Variants in ALK observed in about 807,000 individuals in gnomAD.
ALK encodes ALK tyrosine kinase receptor.
Under a neutral mutation model 163.1 loss-of-function variants are expected in ALK, and 74 were observed. That is an observed-to-expected ratio of 0.45 (90% confidence interval 0.38 to 0.55). The LOEUF (loss-of-function observed/expected upper bound fraction) is 0.55, where lower values mean the gene tolerates loss of function less well. Among genes scored for constraint, ALK ranks in the 20% least tolerant of loss-of-function variants. ALK has a pLI of 0.00. For missense variants in ALK, 2,063 were observed against 2,105.3 expected (o/e 0.98, Z 0.39); for synonymous variants, 960 against 843.2 (o/e 1.14, Z -2.40).
chr2:29,796,177 G>A (rs1184920553), intron 1 of ALK, among the ~76,000 whole-genome samples: 1 of 152,124 alleles, frequency 6.6e-6, no homozygotes, highest in Non-Finnish European at 1.5e-5. Context: ...CTCTGCTAGG[G>A]AAGAGCTCCT....
chr2:29,251,819 G>T (rs1664822741), intron 11 of ALK, among the ~76,000 whole-genome samples: 1 of 152,202 alleles, frequency 6.6e-6, no homozygotes, highest in South Asian at 2.1e-4. Flanking sequence ...AGAATTGAAA[G>T]CTCGGTGATG....
intron 4 of ALK, among the ~76,000 whole-genome samples, chr2:29,517,604 T>C (rs938269365): frequency 1.3e-5 from 2 of 152,276 alleles, no homozygotes; most frequent in East Asian, 1.9e-4. Flanking sequence ...GTCCTGGTGT[T>C]GCCACTCTCT....
At chr2:29,675,996 G>T (rs929283904) in intron 3 of ALK, among the ~76,000 whole-genome samples, 2 of 152,046 alleles carry the variant, frequency 1.3e-5, no homozygotes, top group Non-Finnish European at 2.9e-5. Flanking sequence ...AAAGTGTTGG[G>T]ATTACAGGTG....
At chr2:29,273,898 A>G (rs886108339) in intron 11 of ALK, among the ~76,000 whole-genome samples, 2 of 152,328 alleles carry the variant, frequency 1.3e-5, no homozygotes, top group Middle Eastern at 3.4e-3. Flanking sequence ...GGCTGCCTCT[A>G]TCAGGTGAGA....
chr2:29,503,449 TTCA>T (rs1290137264), intron 4 of ALK, among the ~76,000 whole-genome samples: 1 of 152,210 alleles, frequency 6.6e-6, no homozygotes, highest in African/African-American at 2.4e-5. Flanking sequence ...CGTGATATCT[TTCA>T]TCAGGGAAAT....
At chr2:29,731,008 G>T (rs546353383) in intron 1 of ALK, among the ~76,000 whole-genome samples, 1 of 152,152 alleles carries the variant, frequency 6.6e-6, no homozygotes, top group Non-Finnish European at 1.5e-5. Context: ...AGTGCTTGTC[G>T]CCAACACTGT....
At chr2:29,444,849 T>C (rs6705047) in intron 4 of ALK, among the ~76,000 whole-genome samples, 127,071 of 151,844 alleles carry the variant, frequency 0.84, 54,103 homozygotes, top group Non-Finnish European at 0.93. Context: ...GGGCTGCTGG[T>C]TATAGTAGCT....
chr2:29,545,551 C>A (rs1347460748), intron 3 of ALK, among the ~76,000 whole-genome samples: 1 of 152,176 alleles, frequency 6.6e-6, no homozygotes, highest in Non-Finnish European at 1.5e-5. Flanking sequence ...CACCTTGCAG[C>A]TGAGGAAACA....
chr2:29,537,084 G>T (rs1673277844), intron 3 of ALK, among the ~76,000 whole-genome samples: 1 of 152,246 alleles, frequency 6.6e-6, no homozygotes, highest in African/African-American at 2.4e-5. Flanking sequence ...TGGAAAATTT[G>T]CAGACTACTC....
At position 29,854,055 on chromosome 2, in the gene ALK, T is replaced by G. The variant is rs10186471; in HGVS notation, c.667+65938A>C. On this transcript the variant is annotated intron_variant, in intron 1 of 28. Coordinates refer to ENST00000389048, the MANE Select transcript of ALK (RefSeq NM_004304.5). ...CTCCCGAGTAGCTGGGATTATGGGT[T>G]TGAGCCACCGCACCCGGCCGGAATG... 5.4e-3 allele frequency among the ~76,000 whole-genome samples: 819 copies of G among 151,976 alleles called. 4 individuals carry two copies. The highest frequency in any genetic ancestry group is 0.019 in the African/African-American group (782 of 41,476).
chr2:29,740,744 G>A (rs1422728632), intron 1 of ALK, among the ~76,000 whole-genome samples: 1 of 152,224 alleles, frequency 6.6e-6, no homozygotes, highest in Non-Finnish European at 1.5e-5. Context: ...GCTCACACCT[G>A]TAATCCCAGC....
At chr2:29,469,969 T>C (rs956124797) in intron 4 of ALK, among the ~76,000 whole-genome samples, 4 of 152,168 alleles carry the variant, frequency 2.6e-5, no homozygotes, top group Admixed American at 6.5e-5. Flanking sequence ...AGTTATCAAA[T>C]ATAGACTTTA....
chr2:29,499,080 C>T (rs1317090732), intron 4 of ALK, among the ~76,000 whole-genome samples: 1 of 152,168 alleles, frequency 6.6e-6, no homozygotes, highest in African/African-American at 2.4e-5. Flanking sequence ...TGGTGGCCTG[C>T]CTGGCAGTCC....
At chr2:29,501,317 G>A (rs4261679) in intron 4 of ALK, among the ~76,000 whole-genome samples, 35,803 of 151,976 alleles carry the variant, frequency 0.24, 4,406 homozygotes, top group East Asian at 0.32. Flanking sequence ...CTTCCATGCC[G>A]ACAATTCTCT....
intron 1 of ALK, among the ~76,000 whole-genome samples, chr2:29,834,025 G>A (rs1376444197): frequency 1.3e-5 from 2 of 152,056 alleles, no homozygotes; most frequent in Non-Finnish European, 2.9e-5. Flanking sequence ...ACATGGTTGG[G>A]CAGAAAAAAT....
At chr2:29,218,621 C>T (rs1201297159) in intron 23 of ALK, among the ~76,000 whole-genome samples, 1 of 152,208 alleles carries the variant, frequency 6.6e-6, no homozygotes, top group African/African-American at 2.4e-5. Context: ...CTCCTGCCAT[C>T]TCCTGCCCCC....
chr2:29,374,651 G>T (rs1483262261), intron 5 of ALK, among the ~76,000 whole-genome samples: 1 of 152,174 alleles, frequency 6.6e-6, no homozygotes, highest in East Asian at 1.9e-4. Flanking sequence ...TCTTTGAAAG[G>T]TGGAGGGTGC....
intron 1 of ALK, among the ~76,000 whole-genome samples, chr2:29,825,780 G>A (rs1215943810): frequency 6.6e-5 from 10 of 152,094 alleles, no homozygotes; most frequent in Admixed American, 5.9e-4. Flanking sequence ...AAAGAGGCCA[G>A]TGCAGTGGTC....
chr2:29,543,028 C>T (rs1258210390), intron 3 of ALK, among the ~76,000 whole-genome samples: 1 of 151,878 alleles, frequency 6.6e-6, no homozygotes, highest in Non-Finnish European at 1.5e-5. Context: ...ATTGATCTTT[C>T]TTTTTCTCTT....
Sources: gnomAD v4.1 joint callset for allele counts (sites outside exome capture counted in the v4.1 genomes callset) on GRCh38, gnomAD v4.1.1 for gene constraint, MANE v1.5 for transcripts, NCBI Gene and HGNC (gene_info 2026-07-23, HGNC 2026-07-21) for gene names.